APBB2: variants seen among roughly 807,000 people sequenced by gnomAD.
APBB2 encodes the protein amyloid beta precursor protein binding family B member 2.
In APBB2, 38 loss-of-function variants were observed where a neutral mutation model predicts 82.5. The ratio of observed to expected loss-of-function variants is 0.46; its 90% CI spans 0.36 to 0.60. The LOEUF is 0.60. Ranked by LOEUF, APBB2 falls within the 20% of genes least tolerant of loss-of-function variation. The probability of loss-of-function intolerance (pLI) is 0.00; values close to 1 mark genes in which losing one functional copy is unlikely to be tolerated. For synonymous variants in APBB2, 341 were observed against 368.2 expected (o/e 0.93, Z 0.85); for missense variants, 772 against 972.3 (o/e 0.79, Z 2.74).
At chr4:40,861,562 T>C (rs963141948) in intron 12 of APBB2, among the ~76,000 whole-genome samples, 2 of 152,158 alleles carry the variant, frequency 1.3e-5, no homozygotes, top group South Asian at 4.1e-4. Context: ...TGAATAAAAA[T>C]AAAACATCTG....
Position 40,822,064 on chromosome 4 carries a change from T to C in APBB2, c.1933-14A>G, listed in dbSNP as rs1748157682. ...TTCCTCTTCATTCTGCAAGAGACAT[T>C]ATGCGGCATCCAATCAGGAGATCCC... is the stretch of plus-strand genomic sequence containing the variant. On this transcript the variant is annotated splice_polypyrimidine_tract_variant and intron_variant, in intron 16 of 17. Coordinates refer to ENST00000508593, the MANE Select transcript of APBB2 (RefSeq NM_004307.2). The C allele has an allele frequency of 6.2e-7, 1 of 1,613,332 alleles. No individual in the cohort carries two copies.
At position 40,816,112 on chromosome 4, in the gene APBB2, G is replaced by A; in HGVS notation, c.2260C>T (p.Pro754Ser). 1 of 1,613,866 alleles carries A rather than the reference G, an allele frequency of 6.2e-7. No homozygotes were observed. The highest frequency in any genetic ancestry group is 8.5e-7 in the Non-Finnish European group (1 of 1,179,810). The change falls in exon 18 of 18, where the codon CCT becomes TCT. Residue 754 changes from proline to serine, a missense_variant. Transcript: ENST00000508593. ...TGCAGCTATGGCATTTCGGTGACAG[G>A]GCGTTTCTGTTTCAAAGTGTCAATG... ...SLIDTLKQKR[P>S]VTEMP
intron 10 of APBB2, 117 bp from the exon 11 acceptor site, chr4:40,893,528 T>G (rs891767090): frequency 1.1e-6 from 1 of 900,552 alleles, no homozygotes; most frequent in African/African-American, 1.7e-5. Flanking sequence ...TTTATTTGCT[T>G]CATTATGTTC....
chr4:40,977,517 TGG>T (rs1797483903), intron 6 of APBB2, among the ~76,000 whole-genome samples: 1 of 152,180 alleles, frequency 6.6e-6, no homozygotes, highest in Non-Finnish European at 1.5e-5. Context: ...TTCGCCATGT[TGG>T]CCAAGCTGGT....
At chr4:40,935,048 A>C (rs894912973) in intron 8 of APBB2, 29 bp downstream of exon 8, 1 of 1,484,414 alleles carries the variant, frequency 6.7e-7, no homozygotes, top group Non-Finnish European at 9.0e-7. Context: ...TAAAATATTA[A>C]ATGATCTAAG....
At position 40,905,716 on chromosome 4, in the gene APBB2, G is replaced by T. The variant is rs185947832; in HGVS notation, c.1255-12305C>A. On this transcript the variant is annotated intron_variant, in intron 10 of 17. Transcript: ENST00000508593. ...TGCACAAAGGCAGTCTCACTCCAGT[G>T]GGGGCTGAGATGACATTCGGCATCT... Among the ~76,000 whole-genome samples the T allele has an allele frequency of 4.1e-3, 627 of 152,310 alleles. 4 individuals carry two copies. Among genetic ancestry groups the T allele is most frequent in the African/African-American group, 0.014 (586 of 41,570 alleles).
intron 3 of APBB2, among the ~76,000 whole-genome samples, chr4:41,066,867 C>T (rs1732052687): frequency 6.6e-6 from 1 of 152,070 alleles, no homozygotes; most frequent in Non-Finnish European, 1.5e-5. Flanking sequence ...GCATGATTCT[C>T]TGGGTGGATT....
chr4:41,050,787 A>G (rs996211105), intron 4 of APBB2, among the ~76,000 whole-genome samples: 4 of 152,188 alleles, frequency 2.6e-5, no homozygotes, highest in Admixed American at 1.3e-4. Context: ...GTCAAGCTCT[A>G]CGTTCTCTCA....
chr4:40,817,983 T>A (rs2437297), intron 17 of APBB2, among the ~76,000 whole-genome samples: 67,097 of 152,110 alleles, frequency 0.44, 14,987 homozygotes, highest in Admixed American at 0.56. Context: ...GTACATCCAG[T>A]GTGAATCAAA....
chr4:40,945,527 T>C (rs1346335357), intron 6 of APBB2, among the ~76,000 whole-genome samples: 1 of 152,232 alleles, frequency 6.6e-6, no homozygotes, highest in Non-Finnish European at 1.5e-5. Context: ...GAGTGCTGTA[T>C]TTATATCTTT....
intron 5 of APBB2, among the ~76,000 whole-genome samples, chr4:41,015,388 CCA>C: frequency 6.6e-6 from 1 of 152,300 alleles, no homozygotes; most frequent in East Asian, 1.9e-4. Flanking sequence ...CTTTTGCCCT[CCA>C]CAGAGACTTT....
At chr4:41,067,118 G>A (rs1732160133) in intron 3 of APBB2, among the ~76,000 whole-genome samples, 1 of 152,176 alleles carries the variant, frequency 6.6e-6, no homozygotes, top group Non-Finnish European at 1.5e-5. Context: ...TTAGTTTGGG[G>A]CACTAGAAAC....
chr4:41,027,452 T>C (rs1244894339), intron 5 of APBB2, among the ~76,000 whole-genome samples: 3 of 149,592 alleles, frequency 2.0e-5, no homozygotes, highest in African/African-American at 7.4e-5. Flanking sequence ...ACTGTACCAT[T>C]TTCCATTCCC....
intron 1 of APBB2, among the ~76,000 whole-genome samples, chr4:41,194,532 A>T: frequency 1.3e-5 from 2 of 152,088 alleles, no homozygotes; most frequent in African/African-American, 4.8e-5. Flanking sequence ...AAAATACAAA[A>T]ATTAGCCGGG....
intron 2 of APBB2, among the ~76,000 whole-genome samples, chr4:41,102,974 A>C (rs1008413149): frequency 3.3e-5 from 5 of 152,240 alleles, no homozygotes; most frequent in African/African-American, 1.2e-4. Context: ...AGGATTCTGC[A>C]TAATGTGGTT....
chr4:40,914,702 C>T (rs143832783), intron 10 of APBB2, among the ~76,000 whole-genome samples: 16 of 152,342 alleles, frequency 1.1e-4, no homozygotes, highest in Non-Finnish European at 1.9e-4. Flanking sequence ...CCTCTAGGAG[C>T]AATGCTTCAG....
At chr4:41,067,299 C>T (rs1034113172) in intron 3 of APBB2, among the ~76,000 whole-genome samples, 4 of 152,006 alleles carry the variant, frequency 2.6e-5, no homozygotes, top group Admixed American at 2.0e-4. Context: ...ATCCCAGCTA[C>T]TCAGGAGGCT....
intron 4 of APBB2, among the ~76,000 whole-genome samples, chr4:41,056,123 TG>T (rs1209710405): frequency 6.6e-6 from 1 of 152,030 alleles, no homozygotes; most frequent in Non-Finnish European, 1.5e-5. Flanking sequence ...GAAGTTGCAG[TG>T]AGCCGAGATC....
intron 6 of APBB2, among the ~76,000 whole-genome samples, chr4:40,991,025 T>TTTTTTTTTTTC (rs1801909301): frequency 6.6e-6 from 1 of 150,708 alleles, no homozygotes; most frequent in South Asian, 2.1e-4. Flanking sequence ...TTTTTTTTTT[T>TTTTTTTTTTTC]GGAGGCAAGG....
Sources: gnomAD v4.1 joint callset for allele counts (sites outside exome capture counted in the v4.1 genomes callset) on GRCh38, gnomAD v4.1.1 for gene constraint, MANE v1.5 for transcripts, NCBI Gene and HGNC (gene_info 2026-07-23, HGNC 2026-07-21) for gene names.